The following BBS7 variants were observed in gnomAD, a reference collection of about 807,000 sequenced individuals.
BBS7 encodes the protein Bardet-Biedl syndrome 7.
Under a neutral mutation model 90.3 loss-of-function variants are expected in BBS7, and 50 were observed. The ratio of observed to expected loss-of-function variants is 0.55; its 90% CI spans 0.44 to 0.70. The LOEUF is 0.70. Ranked by LOEUF, BBS7 falls within the 30% of genes least tolerant of loss-of-function variation. The probability of loss-of-function intolerance (pLI) is 0.00; values close to 1 mark genes in which losing one functional copy is unlikely to be tolerated. For missense variants in BBS7, 729 were observed against 838.9 expected (o/e 0.87, Z 1.62); for synonymous variants, 235 against 287.4 (o/e 0.82, Z 1.85).
At chr4:121,860,703 T>C (rs1041475698) in intron 4 of BBS7, among the ~76,000 whole-genome samples, 13 of 152,146 alleles carry the variant, frequency 8.5e-5, no homozygotes, top group African/African-American at 2.9e-4. Flanking sequence ...TTTCCACTTA[T>C]CATGGTTTAA....
At chr4:121,827,992 T>C in intron 18 of BBS7, 154 bp downstream of exon 18, 1 of 1,474,862 alleles carries the variant, frequency 6.8e-7, no homozygotes, top group Non-Finnish European at 8.9e-7. Flanking sequence ...AAATATTCTG[T>C]GCAATAAATT....
chr4:121,854,960 T>A (rs1208983051), intron 6 of BBS7, 140 bp from the exon 7 acceptor site: 1 of 788,518 alleles, frequency 1.3e-6, no homozygotes, highest in African/African-American at 1.8e-5. Context: ...AATGGTTATA[T>A]ATTCACACAA....
chr4:121,855,853 CATGT>C (rs960082303), intron 5 of BBS7, among the ~76,000 whole-genome samples: 3 of 143,976 alleles, frequency 2.1e-5, no homozygotes, highest in Admixed American at 6.7e-5. Context: ...CATATATGCA[CATGT>C]ATGTGTATAT....
chr4:121,824,358 T>C lies in BBS7; in HGVS notation c.*1502A>G, dbSNP rs1032316857. 1 of 152,232 alleles carries C rather than the reference T, an allele frequency of 6.6e-6. No homozygotes were observed. Among genetic ancestry groups the C allele is most frequent in the African/African-American group, 2.4e-5 (1 of 41,458 alleles). The allele number at this position is 152,232 out of a possible 1,614,324, so 9.4% of individuals were successfully genotyped here. A position where few individuals can be genotyped will look rare whatever the true frequency, so the allele number is the denominator to read the frequency against. On this transcript the variant is annotated 3_prime_UTR_variant, in exon 19 of 19. Coordinates refer to ENST00000264499, the MANE Select transcript of BBS7 (RefSeq NM_176824.3). This position sits in a 1 kb window ranked among gnomAD's most constrained non-coding sequence, Gnocchi z 4.1. ...GGACTAATAACTACAGTCATATGGT[T>C]GTTAGGATTAAATAATGTGCATAAA...
At chr4:121,840,269 G>A (rs1401215074) in intron 12 of BBS7, among the ~76,000 whole-genome samples, 4 of 152,188 alleles carry the variant, frequency 2.6e-5, no homozygotes, top group Non-Finnish European at 5.9e-5. Context: ...TGTGAGATGT[G>A]CCTTTCACCT....
intron 9 of BBS7, among the ~76,000 whole-genome samples, chr4:121,847,718 T>C (rs1482130552): frequency 6.6e-6 from 1 of 150,624 alleles, no homozygotes. Flanking sequence ...TTTCACGATA[T>C]CATTTTTTTT....
In BBS7 at chr4:121,825,033, A is replaced by C. The variant is rs1724842274; in HGVS notation, c.*827T>G. Reference sequence around the variant, plus strand: ...TATGATAAAAAGAGATCTAGAAGATACTAGTGTAGGAAAATCTAAGATGGC... The same window carrying C: ...TATGATAAAAAGAGATCTAGAAGATCCTAGTGTAGGAAAATCTAAGATGGC... On this transcript the variant is annotated 3_prime_UTR_variant, in exon 19 of 19. Coordinates refer to ENST00000264499, the MANE Select transcript of BBS7 (RefSeq NM_176824.3). 2 of 152,210 alleles carry C rather than the reference A, an allele frequency of 1.3e-5. No individual in the cohort carries two copies. Among genetic ancestry groups the C allele is most frequent in the Non-Finnish European group, 2.9e-5 (2 of 68,028 alleles). 9.4% of individuals were successfully genotyped at this position (152,210 alleles called of 1,614,324 possible).
At chr4:121,859,779 AT>A (rs1419580860) in intron 4 of BBS7, among the ~76,000 whole-genome samples, 2 of 152,046 alleles carry the variant, frequency 1.3e-5, no homozygotes, top group Non-Finnish European at 2.9e-5. Context: ...AAAAAAAAAG[AT>A]TTCATTAGAA....
At chr4:121,867,237 T>C (rs1037569020) in intron 2 of BBS7, among the ~76,000 whole-genome samples, 1 of 152,172 alleles carries the variant, frequency 6.6e-6, no homozygotes, top group African/African-American at 2.4e-5. Flanking sequence ...TTGTTGTGTA[T>C]AGAAACACTA....
rs72917992 is a variant in BBS7, at chr4:121,847,918, A to G, written c.935-412T>C. Among the ~76,000 whole-genome samples the G allele has an allele frequency of 4.8e-3, 723 of 152,198 alleles. 5 individuals are homozygous for G. Among genetic ancestry groups the G allele is most frequent in the African/African-American group, 0.017 (697 of 41,546 alleles). The stretch of plus-strand genomic sequence containing the variant: ...TGAGAATGCAAAAATTACCAACTCA[A>G]AAGCAAGTTTTGGCAAGTTTTTGAG... On this transcript the variant is annotated intron_variant, in intron 9 of 18. Coordinates refer to ENST00000264499, the MANE Select transcript of BBS7 (RefSeq NM_176824.3).
chr4:121,847,407 A>G lies in BBS7; in HGVS notation c.1034T>C (p.Leu345Ser). The stretch of plus-strand genomic sequence containing the variant: ...CAAATAAAAAACTCAAAGTTACCGT[A>G]AGGAAGAAATTTTATTCTGCATCTC... ...NQEMQNKISS[L>S]RNELEHLQYK... The change falls in exon 10 of 19, where the codon TTA (leucine) becomes TCA (serine). Residue 345 changes from leucine (L) to serine (S), a missense_variant. Physicochemically the swap from Leu to Ser is moderately radical, Grantham distance 145. Coordinates refer to ENST00000264499, the MANE Select transcript of BBS7 (RefSeq NM_176824.3). The G allele has an allele frequency of 6.2e-7, 1 of 1,606,728 alleles. No individual in the cohort carries two copies. The highest frequency in any genetic ancestry group is 8.5e-7 in the Non-Finnish European group (1 of 1,173,676).
chr4:121,867,847 G>T (rs1248215488), intron 2 of BBS7, 134 bp downstream of exon 2: 2 of 810,842 alleles, frequency 2.5e-6, no homozygotes, highest in Non-Finnish European at 4.1e-6. Context: ...TCCAGTTTCT[G>T]TTCAAATTAA....
At chr4:121,855,318 A>C (rs957389756) in intron 6 of BBS7, 171 bp downstream of exon 6, 6 of 621,696 alleles carry the variant, frequency 9.7e-6, no homozygotes, top group South Asian at 1.7e-5. Flanking sequence ...CCAGCCCCCC[A>C]AAAAAGAAAA....
rs1726397594 is a variant in BBS7, at chr4:121,852,939, T to C, written c.849+17A>G. ...TTTGACAAATAATAAGCATATAGTC[T>C]TTTTTAATGAACTTACCTGATCAAA... On this transcript the variant is annotated intron_variant, in intron 8 of 18. Transcript: ENST00000264499. 8.7e-6 allele frequency: 14 copies of C among 1,611,990 alleles called. No individual in the cohort carries two copies. Among genetic ancestry groups the C allele is most frequent in the Non-Finnish European group, 1.0e-5 (12 of 1,178,372 alleles).
At chr4:121,848,286 T>G (rs1012877730) in intron 9 of BBS7, among the ~76,000 whole-genome samples, 16 of 152,150 alleles carry the variant, frequency 1.1e-4, no homozygotes, top group African/African-American at 3.1e-4. Flanking sequence ...ATTCCAGAAA[T>G]AAGTCCTAAG....
At chr4:121,865,500 A>G (rs1448664667) in intron 2 of BBS7, among the ~76,000 whole-genome samples, 1 of 152,130 alleles carries the variant, frequency 6.6e-6, no homozygotes, top group Non-Finnish European at 1.5e-5. Flanking sequence ...CAGCCTCCCA[A>G]AGTGCTGGGA....
chr4:121,843,534 T>G (rs1725848642), intron 12 of BBS7, among the ~76,000 whole-genome samples: 1 of 152,198 alleles, frequency 6.6e-6, no homozygotes, highest in Admixed American at 6.5e-5. Context: ...GTTCCAAAAC[T>G]CTAAACTTTT....
intron 2 of BBS7, among the ~76,000 whole-genome samples, chr4:121,864,794 C>T (rs974441870): frequency 2.0e-5 from 3 of 151,988 alleles, no homozygotes; most frequent in Non-Finnish European, 4.4e-5. Flanking sequence ...AACAATTGTA[C>T]ATATTCGTGG....
rs2149054155 is a variant in BBS7, at chr4:121,833,262, A to C, written c.1645T>G (p.Phe549Val). ...GTACTTTCAAGTTGTGTATCTAGAAAGGTGTTCTGAAAGTAAAATGTCACA... is the reference window on the plus strand; with the variant it reads ...GTACTTTCAAGTTGTGTATCTAGAACGGTGTTCTGAAAGTAAAATGTCACA... The part of the protein sequence containing the change: ...ECVTFYFQNT[F>V]LDTQLESTYR... Residue 549 changes from phenylalanine (F) to valine (V), a missense_variant, in exon 15 of 19, where the codon TTT (phenylalanine) becomes GTT (valine). By Grantham distance (50) the Phe-to-Val change is conservative. Coordinates refer to ENST00000264499, the MANE Select transcript of BBS7 (RefSeq NM_176824.3). 1 of 1,614,026 alleles carries C rather than the reference A, an allele frequency of 6.2e-7. No homozygotes were observed. Among genetic ancestry groups the C allele is most frequent in the Admixed American group, 1.7e-5 (1 of 60,018 alleles).
Sources: gnomAD v4.1 joint callset for allele counts (sites outside exome capture counted in the v4.1 genomes callset) on GRCh38, gnomAD v4.1.1 for gene constraint, Gnocchi (gnomAD v3.1) non-coding constraint, MANE v1.5 for transcripts, NCBI Gene and HGNC (gene_info 2026-07-23, HGNC 2026-07-21) for gene names.